The following PTPRD variants were observed in gnomAD, a reference collection of about 807,000 sequenced individuals.
PTPRD encodes the protein protein tyrosine phosphatase receptor type D.
Under a neutral mutation model 214.5 loss-of-function variants are expected in PTPRD, and 34 were observed. That is an observed-to-expected ratio of 0.16 (90% confidence interval 0.12 to 0.21). The LOEUF (loss-of-function observed/expected upper bound fraction) is 0.21. PTPRD is among the 10% of genes least tolerant of loss of function. The probability of loss-of-function intolerance (pLI) is 1.00; values close to 1 mark genes in which losing one functional copy is unlikely to be tolerated. For synonymous variants in PTPRD, 1,128 were observed against 845.7 expected (o/e 1.33, Z -5.79); for missense variants, 2,545 against 2,398.7 (o/e 1.06, Z -1.27).
intron 26 of PTPRD, among the ~76,000 whole-genome samples, chr9:8,493,351 T>C (rs2097189560): frequency 6.6e-6 from 1 of 152,198 alleles, no homozygotes; most frequent in Admixed American, 6.5e-5. Context: ...CCCCATAGGA[T>C]TATATGAGTT....
intron 5 of PTPRD, among the ~76,000 whole-genome samples, chr9:9,813,296 T>G (rs1028014049): frequency 6.6e-6 from 1 of 151,706 alleles, no homozygotes; most frequent in Admixed American, 6.6e-5. Flanking sequence ...ATAATGAAGA[T>G]TAGAGCATAA....
chr9:8,411,572 G>C (rs1343249514), intron 35 of PTPRD, among the ~76,000 whole-genome samples: 2 of 152,146 alleles, frequency 1.3e-5, no homozygotes, highest in East Asian at 3.9e-4. Context: ...CCAAAGTGTT[G>C]AGGTTACAGG....
chr9:9,199,367 A>G (rs963052921), intron 9 of PTPRD, among the ~76,000 whole-genome samples: 11 of 152,328 alleles, frequency 7.2e-5, no homozygotes, highest in Admixed American at 5.9e-4. Context: ...TGCCTTAAGT[A>G]AAATCTCTAA....
chr9:9,512,451 C>A (rs7028162), intron 8 of PTPRD, among the ~76,000 whole-genome samples: 112,143 of 151,628 alleles, frequency 0.74, 42,323 homozygotes, highest in African/African-American at 0.89. Flanking sequence ...CAGTCTTTTA[C>A]TCAAGACAGT....
At chr9:10,375,359 G>C (rs189364701) in intron 2 of PTPRD, among the ~76,000 whole-genome samples, 1 of 151,876 alleles carries the variant, frequency 6.6e-6, no homozygotes, top group Non-Finnish European at 1.5e-5. Context: ...TACTGTCTAC[G>C]TTATTATGTG....
At chr9:8,555,715 A>C (rs981317760) in intron 14 of PTPRD, among the ~76,000 whole-genome samples, 2 of 152,228 alleles carry the variant, frequency 1.3e-5, no homozygotes, top group South Asian at 2.1e-4. Context: ...AGGGACAATG[A>C]GGATGTCAAT....
At chr9:9,837,137 T>G (rs1175291272) in intron 5 of PTPRD, among the ~76,000 whole-genome samples, 1 of 152,286 alleles carries the variant, frequency 6.6e-6, no homozygotes, top group South Asian at 2.1e-4. Flanking sequence ...GTTTAGCCAA[T>G]TTTTGTGTAT....
intron 12 of PTPRD, chr9:8,713,308 G>C: frequency 4.0e-6 from 3 of 750,466 alleles, no homozygotes; most frequent in Non-Finnish European, 7.0e-6. Flanking sequence ...CGGAGAGGAC[G>C]CCATGAAGGC....
At chr9:8,803,413 A>C (rs967972640) in intron 11 of PTPRD, among the ~76,000 whole-genome samples, 2 of 152,180 alleles carry the variant, frequency 1.3e-5, no homozygotes, top group Non-Finnish European at 2.9e-5. Flanking sequence ...CTCAATTGGA[A>C]GCTCTTTGAC....
At chr9:8,683,909 T>C (rs1012148462) in intron 12 of PTPRD, among the ~76,000 whole-genome samples, 17 of 152,148 alleles carry the variant, frequency 1.1e-4, no homozygotes, top group African/African-American at 3.1e-4. Flanking sequence ...AGAGAACTCA[T>C]CAGGAGACCA....
chr9:10,490,172 A>C (rs2039720380), intron 2 of PTPRD, among the ~76,000 whole-genome samples: 1 of 152,180 alleles, frequency 6.6e-6, no homozygotes, highest in Non-Finnish European at 1.5e-5. Context: ...GGAGGGATAT[A>C]GTTATTTTTC....
chr9:9,686,118 CTG>C (rs1258995766), intron 7 of PTPRD, among the ~76,000 whole-genome samples: 11 of 151,264 alleles, frequency 7.3e-5, no homozygotes, highest in Admixed American at 5.3e-4. Flanking sequence ...TGCTCTATAT[CTG>C]TTGGATTTTT....
chr9:8,528,445 A>T, intron 15 of PTPRD, 146 bp downstream of exon 15: 1 of 744,478 alleles, frequency 1.3e-6, no homozygotes, highest in East Asian at 2.7e-5. Context: ...ACAAACATGG[A>T]CCACCCATTA....
At chr9:10,056,796 G>A (rs1017033712) in intron 3 of PTPRD, among the ~76,000 whole-genome samples, 1 of 152,114 alleles carries the variant, frequency 6.6e-6, no homozygotes, top group Non-Finnish European at 1.5e-5. Flanking sequence ...AATAAATTAA[G>A]CTCTTTTGCA....
intron 10 of PTPRD, among the ~76,000 whole-genome samples, chr9:9,049,424 A>G (rs934967461): frequency 6.6e-6 from 1 of 152,226 alleles, no homozygotes; most frequent in African/African-American, 2.4e-5. Context: ...AAGACAGGAC[A>G]AAATAAATAT....
At chr9:10,472,888 T>A (rs867299072) in intron 2 of PTPRD, among the ~76,000 whole-genome samples, 3 of 152,006 alleles carry the variant, frequency 2.0e-5, no homozygotes, top group South Asian at 2.1e-4. Flanking sequence ...AGAAAAATTT[T>A]AAAAAAATTA....
intron 4 of PTPRD, among the ~76,000 whole-genome samples, chr9:9,949,414 A>T (rs1052729805): frequency 6.6e-6 from 1 of 152,096 alleles, no homozygotes; most frequent in Non-Finnish European, 1.5e-5. Context: ...TTTTAAATTT[A>T]GTTGATTTTT....
At chr9:10,565,175 T>C (rs920197545) in intron 2 of PTPRD, among the ~76,000 whole-genome samples, 2 of 152,136 alleles carry the variant, frequency 1.3e-5, no homozygotes, top group Non-Finnish European at 2.9e-5. Context: ...TGTAGGCACG[T>C]ATTTCTATTT....
At chr9:9,463,190 A>G (rs2093821369) in intron 8 of PTPRD, among the ~76,000 whole-genome samples, 1 of 152,180 alleles carries the variant, frequency 6.6e-6, no homozygotes, top group Non-Finnish European at 1.5e-5. Flanking sequence ...ATTTGGATGA[A>G]GGATTACAGC....
Sources: allele counts gnomAD v4.1 joint callset (sites outside exome capture counted in the v4.1 genomes callset), GRCh38; gene constraint gnomAD v4.1.1; transcripts MANE v1.5; gene names NCBI Gene and HGNC (gene_info 2026-07-23, HGNC 2026-07-21).